Variants in CECR2 observed in about 807,000 individuals in gnomAD.
CECR2 encodes the protein CECR2 histone acetyl-lysine reader.
A neutral mutation model predicts 154.5 loss-of-function variants in CECR2; 30 were observed. The ratio of observed to expected loss-of-function variants is 0.19; its 90% CI spans 0.15 to 0.26. CECR2 has a LOEUF of 0.26. Ranked by LOEUF, CECR2 falls within the 10% of genes least tolerant of loss-of-function variation. CECR2 has a pLI of 1.00. For synonymous variants in CECR2, 725 were observed against 683.7 expected (o/e 1.06, Z -0.94); for missense variants, 1,743 against 1,829.3 (o/e 0.95, Z 0.86).
Position 17,555,490 on chromosome 22 carries a change from T to G in CECR2, c.*2650T>G, listed in dbSNP as rs2056762990. The stretch of plus-strand genomic sequence containing the variant: ...AAGTGCAGATCTGCTATAAGCTGTC[T>G]GGAGCTGCAAGGTTGCAGGAATCCA... On this transcript the variant is annotated 3_prime_UTR_variant, in exon 19 of 19. Transcript: ENST00000262608. The G allele has an allele frequency of 6.6e-6, 1 of 152,172 alleles. No homozygotes were observed. The highest frequency in any genetic ancestry group is 2.1e-4 in the South Asian group (1 of 4,828). The allele number at this position is 152,172 out of a possible 1,614,324, so 9.4% of individuals were successfully genotyped here.
At chr22:17,505,835 C>CTTTTTT (rs3994825) in intron 7 of CECR2, among the ~76,000 whole-genome samples, 7 of 84,556 alleles carry the variant, frequency 8.3e-5, no homozygotes, top group Non-Finnish European at 1.1e-4. Context: ...CTGCACCCGG[C>CTTTTTT]TTTTTTTTTT....
At chr22:17,536,080 C>T (rs1167241445) in intron 9 of CECR2, among the ~76,000 whole-genome samples, 1 of 152,054 alleles carries the variant, frequency 6.6e-6, no homozygotes, top group Non-Finnish European at 1.5e-5. Flanking sequence ...GAAACCCCAT[C>T]CCTACTAAAA....
chr22:17,362,061 G>A (rs2062980121), intron 1 of CECR2, among the ~76,000 whole-genome samples: 1 of 151,888 alleles, frequency 6.6e-6, no homozygotes, highest in African/African-American at 2.4e-5. Context: ...TTATTTTTTA[G>A]TGACAGAGTC....
At chr22:17,547,603 A>G (rs1344311089) in intron 16 of CECR2, among the ~76,000 whole-genome samples, 5 of 152,324 alleles carry the variant, frequency 3.3e-5, no homozygotes, top group East Asian at 1.9e-4. Flanking sequence ...GAATGTATTC[A>G]TTCAACAAAG....
rs746061481 is a variant in CECR2 at position 17,542,139 on chromosome 22, G to A, written c.2014-18G>A. ...TATTCTGTGAGTCTGTAACTGTGCT[G>A]CCTTTTCTCGTTGCCAGCCTCCAGT... On this transcript the variant is annotated intron_variant, in intron 15 of 18. Transcript: ENST00000262608. 5.6e-6 allele frequency: 9 copies of A among 1,604,872 alleles called. No homozygotes were observed. Among genetic ancestry groups the A allele is most frequent in the Non-Finnish European group, 7.7e-6 (9 of 1,173,770 alleles).
rs146470151 is a variant in CECR2, at chr22:17,480,084, G to T, written c.221+2402G>T. On this transcript the variant is annotated intron_variant, in intron 2 of 18. Coordinates refer to ENST00000262608, the MANE Select transcript of CECR2 (RefSeq NM_001290047.2). ...CCCTACAAGTATTTATTAAATAATA[G>T]AATACCGTATCCCTGTATCTGTCTT... is the stretch of plus-strand genomic sequence containing the variant. 1.2e-3 allele frequency among the ~76,000 whole-genome samples: 180 copies of T among 152,080 alleles called. 1 individual carries two copies. Among genetic ancestry groups the T allele is most frequent in the African/African-American group, 4.0e-3 (164 of 41,492 alleles).
chr22:17,402,974 G>A (rs952028254), intron 1 of CECR2, among the ~76,000 whole-genome samples: 8 of 152,006 alleles, frequency 5.3e-5, no homozygotes, highest in South Asian at 4.2e-4. Context: ...GGCTGGTCTC[G>A]AACTCCTGAC....
At chr22:17,430,953 C>T (rs2522314) in intron 1 of CECR2, among the ~76,000 whole-genome samples, 55,865 of 152,014 alleles carry the variant, frequency 0.37, 10,584 homozygotes, top group Middle Eastern at 0.42. Flanking sequence ...TTGATCACAA[C>T]AGTGCCTCGT....
chr22:17,384,012 C>T (rs181176501), intron 1 of CECR2, among the ~76,000 whole-genome samples: 11 of 152,072 alleles, frequency 7.2e-5, no homozygotes, highest in African/African-American at 1.9e-4. Context: ...CTGTATCTAT[C>T]GCATCTGTAT....
chr22:17,389,802 G>A (rs2063307312), intron 1 of CECR2, among the ~76,000 whole-genome samples: 1 of 151,814 alleles, frequency 6.6e-6, no homozygotes, highest in South Asian at 2.1e-4. Flanking sequence ...TAATTTTTGT[G>A]TTTTTAGTAG....
At chr22:17,362,901 CAAAAAAA>C (rs372498587) in intron 1 of CECR2, among the ~76,000 whole-genome samples, 1 of 82,166 alleles carries the variant, frequency 1.2e-5, no homozygotes, top group Non-Finnish European at 2.4e-5. Flanking sequence ...AACTCCGTCT[CAAAAAAA>C]AAAAAAAAAA....
chr22:17,527,406 T>G (rs934834025), intron 9 of CECR2, among the ~76,000 whole-genome samples: 1 of 152,014 alleles, frequency 6.6e-6, no homozygotes, highest in Non-Finnish European at 1.5e-5. Context: ...TCCAGTGAGC[T>G]GAGATCATGC....
rs1353188938 is a variant in CECR2, at chr22:17,554,590, C to G, written c.*1750C>G. The G allele has an allele frequency of 6.6e-6, 1 of 152,214 alleles. No homozygotes were observed. Among genetic ancestry groups the G allele is most frequent in the Non-Finnish European group, 1.5e-5 (1 of 68,044 alleles). 9.4% of individuals were successfully genotyped at this position (152,214 alleles called of 1,614,324 possible). On this transcript the variant is annotated 3_prime_UTR_variant, in exon 19 of 19. Coordinates refer to ENST00000262608, the MANE Select transcript of CECR2 (RefSeq NM_001290047.2). ...CAAATGCTGAACCTGGTGCTGCTGC[C>G]TAGGGCTCAGGCAGATTTGAGAGTT...
chr22:17,543,598 T>G (rs1284331857), intron 16 of CECR2, among the ~76,000 whole-genome samples: 1 of 150,438 alleles, frequency 6.6e-6, no homozygotes, highest in African/African-American at 2.4e-5. Flanking sequence ...GTCCCACTCT[T>G]GCCCAGGCTG....
Position 17,499,983 on chromosome 22 carries a change from G to A in CECR2, c.545+434G>A, listed in dbSNP as rs938775822. Among the ~76,000 whole-genome samples the A allele has an allele frequency of 6.8e-5, 10 of 147,984 alleles. No individual in the cohort carries two copies. The South Asian group carries it at 1.0e-3, about 15-fold the overall frequency. On this transcript the variant is annotated intron_variant, in intron 4 of 18. Transcript: ENST00000262608. ...TCCCAGCACTCTGGGAGGCCGAGGCGGGCGGATCACGAGGTCAGGAGATCG... is the reference window on the plus strand; with the variant it reads ...TCCCAGCACTCTGGGAGGCCGAGGCAGGCGGATCACGAGGTCAGGAGATCG...
chr22:17,450,124 T>C (rs2146696300), intron 1 of CECR2, among the ~76,000 whole-genome samples: 1 of 152,344 alleles, frequency 6.6e-6, no homozygotes, highest in South Asian at 2.1e-4. Context: ...ACTTGCCCTT[T>C]TAGCCTTCTG....
At chr22:17,538,468 A>G in intron 10 of CECR2, 52 bp from the exon 11 acceptor site, 1 of 1,526,606 alleles carries the variant, frequency 6.6e-7, no homozygotes, top group East Asian at 2.2e-5. Flanking sequence ...GAGAGAGCTC[A>G]GGAGAGAAGG....
At chr22:17,378,089 T>C (rs2063139206) in intron 1 of CECR2, among the ~76,000 whole-genome samples, 1 of 151,234 alleles carries the variant, frequency 6.6e-6, no homozygotes, top group Non-Finnish European at 1.5e-5. Context: ...GTTCACGCCA[T>C]TCTCCTGCCT....
chr22:17,386,502 G>A (rs1041900137), intron 1 of CECR2, among the ~76,000 whole-genome samples: 5 of 152,086 alleles, frequency 3.3e-5, no homozygotes, highest in South Asian at 4.1e-4. Flanking sequence ...CAAACTCTGC[G>A]CCATGTTTTA....
Sources: allele counts gnomAD v4.1 joint callset (sites outside exome capture counted in the v4.1 genomes callset), GRCh38; gene constraint gnomAD v4.1.1; transcripts MANE v1.5; gene names NCBI Gene and HGNC (gene_info 2026-07-23, HGNC 2026-07-21).